Variants in ADAM32 observed in about 807,000 individuals in gnomAD.
The protein encoded by ADAM32 is disintegrin and metalloproteinase domain-containing protein 32.
Under a neutral mutation model 114.9 loss-of-function variants are expected in ADAM32, and 89 were observed. The observed-to-expected ratio is 0.77, with a 90% CI of 0.65 to 0.92. The LOEUF is 0.92. Among genes scored for constraint, ADAM32 ranks in the 40% least tolerant of loss-of-function variants. The pLI is 0.00. For missense variants in ADAM32, 870 were observed against 932.8 expected (o/e 0.93, Z 0.88); for synonymous variants, 285 against 307.5 (o/e 0.93, Z 0.77).
At chr8:39,145,960 A>T (rs1803482372) in intron 3 of ADAM32, among the ~76,000 whole-genome samples, 1 of 152,088 alleles carries the variant, frequency 6.6e-6, no homozygotes, top group Non-Finnish European at 1.5e-5. Flanking sequence ...CGAACTCCTG[A>T]GCCCAAAGCA....
intron 11 of ADAM32, among the ~76,000 whole-genome samples, chr8:39,198,055 T>C (rs1176109158): frequency 6.6e-6 from 1 of 152,148 alleles, no homozygotes; most frequent in Admixed American, 6.5e-5. Flanking sequence ...ACTTGTTCTC[T>C]TTATCATTAT....
chr8:39,195,333 A>G (rs563642174), intron 11 of ADAM32, among the ~76,000 whole-genome samples: 1 of 152,278 alleles, frequency 6.6e-6, no homozygotes, highest in African/African-American at 2.4e-5. Flanking sequence ...CTGGATATTA[A>G]CCACCTATTG....
chr8:39,160,174 C>G (rs770224124), intron 6 of ADAM32, among the ~76,000 whole-genome samples: 1 of 152,120 alleles, frequency 6.6e-6, no homozygotes, highest in Non-Finnish European at 1.5e-5. Flanking sequence ...TTACAAAGCC[C>G]AGCCCAGATT....
intron 23 of ADAM32, among the ~76,000 whole-genome samples, chr8:39,283,057 C>T (rs917335798): frequency 2.0e-5 from 3 of 152,004 alleles, no homozygotes; most frequent in African/African-American, 7.2e-5. Context: ...TTCTTTTTCT[C>T]CCCCATTCTT....
chr8:39,114,254 A>G (rs895532824), intron 1 of ADAM32, among the ~76,000 whole-genome samples: 1 of 152,236 alleles, frequency 6.6e-6, no homozygotes, highest in East Asian at 1.9e-4. Flanking sequence ...TCCCCTGGGC[A>G]TAGTCATCAT....
intron 14 of ADAM32, among the ~76,000 whole-genome samples, chr8:39,228,334 C>T (rs1042652571): frequency 5.3e-5 from 8 of 152,122 alleles, no homozygotes; most frequent in African/African-American, 9.7e-5. Flanking sequence ...AGAAGAAACC[C>T]TTGATTTACC....
At chr8:39,125,069 G>C (rs1415267871) in intron 2 of ADAM32, among the ~76,000 whole-genome samples, 1 of 152,014 alleles carries the variant, frequency 6.6e-6, no homozygotes, top group Non-Finnish European at 1.5e-5. Flanking sequence ...ATCTGATTGT[G>C]GTTTTGATTT....
chr8:39,233,811 A>G lies in ADAM32; in HGVS notation c.1635-88A>G, dbSNP rs181901547. 376 of 932,034 alleles carry G rather than the reference A, an allele frequency of 4.0e-4. 5 individuals carry two copies. In the South Asian group the frequency reaches 0.014, roughly 35 times the overall value. 57.7% of individuals were successfully genotyped at this position (932,034 alleles called of 1,614,324 possible). On this transcript the variant is annotated intron_variant, in intron 15 of 24. Transcript: ENST00000379907. ...AGTACATTGCCATAAGTGGAAAACC[A>G]TTCTTTTTGCATCACAGAAAGCAAA...
intron 18 of ADAM32, among the ~76,000 whole-genome samples, 165 bp from the exon 19 acceptor site, chr8:39,257,022 T>C (rs1453932190): frequency 2.0e-5 from 3 of 152,194 alleles, no homozygotes; most frequent in African/African-American, 7.2e-5. Context: ...TGAAACGTTG[T>C]ACAGGTAGCC....
chr8:39,149,317 T>A (rs965394458), intron 4 of ADAM32, among the ~76,000 whole-genome samples: 1 of 152,176 alleles, frequency 6.6e-6, no homozygotes, highest in African/African-American at 2.4e-5. Flanking sequence ...TCTCTAGTAA[T>A]GTTTCTGGCC....
rs373210270 is a variant in ADAM32, at chr8:39,165,189, C to A, written c.826C>A (p.Leu276Ile). The change falls in exon 9 of 25, where the codon CTA becomes ATA. Residue 276 changes from leucine to isoleucine, a missense_variant. Coordinates refer to ENST00000379907, the MANE Select transcript of ADAM32 (RefSeq NM_145004.7). Reference sequence around the variant, plus strand: ...CCTAAGGCCTCATGATATTGCATATCTACTAATGTAAGAATAATGTTTCAT... The same window carrying A: ...CCTAAGGCCTCATGATATTGCATATATACTAATGTAAGAATAATGTTTCAT... ...LNLRPHDIAYLLIYMDYPRYL... is the reference protein window; with the variant it reads ...LNLRPHDIAYILIYMDYPRYL... 43 of 1,538,194 alleles carry A rather than the reference C, an allele frequency of 2.8e-5. No individual in the cohort carries two copies. Among genetic ancestry groups the A allele is most frequent in the Non-Finnish European group, 3.8e-5 (43 of 1,135,634 alleles).
At position 39,198,108 on chromosome 8, in the gene ADAM32, T is replaced by C. The variant is rs189517025; in HGVS notation, c.1052+11063T>C. Among the ~76,000 whole-genome samples, 10 of 152,004 alleles carry C rather than the reference T, an allele frequency of 6.6e-5. No homozygotes were observed. In the East Asian group the frequency reaches 1.7e-3, roughly 26 times the overall value. On this transcript the variant is annotated intron_variant, in intron 11 of 24. Transcript: ENST00000379907. ...TTTATGTGTTTTATCCTATAATCTA[T>C]TTTTTTTCTGACATAAGTATAGCTA...
intron 7 of ADAM32, among the ~76,000 whole-genome samples, chr8:39,161,264 G>A (rs4288342): frequency 0.99 from 150,248 of 152,320 alleles, 74,135 homozygotes; most frequent in Middle Eastern, 1. Flanking sequence ...TGATTTTGGT[G>A]GAAGTGAAAT....
intron 10 of ADAM32, 123 bp downstream of exon 10, chr8:39,170,120 C>T: frequency 2.9e-6 from 2 of 694,234 alleles, no homozygotes; most frequent in Non-Finnish European, 4.5e-6. Context: ...TTTTCCATTA[C>T]TGTTAAAATT....
At position 39,192,347 on chromosome 8, in the gene ADAM32, T is replaced by G. The variant is rs150905278; in HGVS notation, c.1052+5302T>G. ...ATTAGGACTGCAACACCTGCTTTTT[T>G]CTGTTCTCCATTTGCTTGGTAGATT... On this transcript the variant is annotated intron_variant, in intron 11 of 24. Coordinates refer to ENST00000379907, the MANE Select transcript of ADAM32 (RefSeq NM_145004.7). Among the ~76,000 whole-genome samples, 889 of 152,324 alleles carry G rather than the reference T, an allele frequency of 5.8e-3. 13 individuals are homozygous for G. Among genetic ancestry groups the G allele is most frequent in the African/African-American group, 0.021 (857 of 41,574 alleles).
intron 11 of ADAM32, among the ~76,000 whole-genome samples, chr8:39,192,814 C>A (rs935393498): frequency 1.3e-5 from 2 of 152,108 alleles, no homozygotes; most frequent in South Asian, 4.1e-4. Flanking sequence ...GTTGGAATTT[C>A]TTTTCTTTAA....
chr8:39,128,997 G>C (rs906879544), intron 2 of ADAM32, among the ~76,000 whole-genome samples: 1 of 151,954 alleles, frequency 6.6e-6, no homozygotes, highest in Non-Finnish European at 1.5e-5. Context: ...GAACTGAAAT[G>C]CTCCTTTAAT....
At position 39,232,188 on chromosome 8, in the gene ADAM32, A is replaced by C. The variant is rs180673888; in HGVS notation, c.1634+53A>C. The C allele has an allele frequency of 4.4e-3, 6,337 of 1,443,544 alleles. 29 individuals carry two copies. The highest frequency in any genetic ancestry group is 0.02 in the Middle Eastern group (94 of 4,626). The allele number at this position is 1,443,544 out of a possible 1,614,324, so 89.4% of individuals were successfully genotyped here. A position where few individuals can be genotyped will look rare whatever the true frequency, so the allele number is the denominator to read the frequency against. On this transcript the variant is annotated intron_variant, in intron 15 of 24. Coordinates refer to ENST00000379907, the MANE Select transcript of ADAM32 (RefSeq NM_145004.7). Reference sequence around the variant, plus strand: ...TTTCTTATATTCTATTAGATTTTTAAAAACTTTGCCCCCTTCTGTGTCATT... The same window carrying C: ...TTTCTTATATTCTATTAGATTTTTACAAACTTTGCCCCCTTCTGTGTCATT...
At chr8:39,276,848 C>T (rs1051070215) in intron 22 of ADAM32, among the ~76,000 whole-genome samples, 4 of 152,126 alleles carry the variant, frequency 2.6e-5, no homozygotes, top group African/African-American at 4.8e-5. Context: ...TGACCTTTTT[C>T]TCTTATTATA....
Sources: gnomAD v4.1 joint callset for allele counts (sites outside exome capture counted in the v4.1 genomes callset) on GRCh38, gnomAD v4.1.1 for gene constraint, MANE v1.5 for transcripts, NCBI Gene and HGNC (gene_info 2026-07-23, HGNC 2026-07-21) for gene names.